TLE2: variants seen among roughly 807,000 people sequenced by gnomAD.
TLE2 encodes the protein transducin-like enhancer protein 2.
A neutral mutation model predicts 97.2 loss-of-function variants in TLE2; 74 were observed. The ratio of observed to expected loss-of-function variants is 0.76; its 90% CI spans 0.63 to 0.92. TLE2 has a LOEUF of 0.92. Among genes scored for constraint, TLE2 ranks in the 40% least tolerant of loss-of-function variants. The probability of loss-of-function intolerance (pLI) is 0.00; values close to 1 mark genes in which losing one functional copy is unlikely to be tolerated. For synonymous variants in TLE2, 499 were observed against 432.1 expected (o/e 1.15, Z -1.92); for missense variants, 1,038 against 1,008.7 (o/e 1.03, Z -0.39).
chr19:3,019,085 A>G lies in TLE2; in HGVS notation c.550+198T>C, dbSNP rs905851153. On this transcript the variant is annotated intron_variant, in intron 7 of 19. Transcript: ENST00000262953. The surrounding 1 kb of genome is among the most constrained non-coding windows in gnomAD (Gnocchi z 5.1). ...AGCAAATTTTTAAATTTTTGTAGAGACGGGGTCTCGCTCTGTTGCCCAGGC... is the reference window on the plus strand; with the variant it reads ...AGCAAATTTTTAAATTTTTGTAGAGGCGGGGTCTCGCTCTGTTGCCCAGGC... Among the ~76,000 whole-genome samples, 1 of 151,842 alleles carries G rather than the reference A, an allele frequency of 6.6e-6. No homozygotes were observed.
In TLE2 at chr19:3,004,509, C is replaced by T. The variant is rs150619864; in HGVS notation, c.1896+928G>A. Among the ~76,000 whole-genome samples the T allele has an allele frequency of 1.8e-4, 27 of 150,710 alleles. No homozygotes were observed. In the East Asian group the frequency reaches 4.7e-3, roughly 26 times the overall value. ...CAAAAATTAGCCGAGCATGGTGGTG[C>T]GTTCCTGTAGTCCCAGCTACTCAGG... On this transcript the variant is annotated intron_variant, in intron 17 of 19. Transcript: ENST00000262953.
Position 3,006,410 on chromosome 19 carries a change from C to A in TLE2, c.1500+10G>T, listed in dbSNP as rs760761358. On this transcript the variant is annotated intron_variant, in intron 15 of 19. Coordinates refer to ENST00000262953, the MANE Select transcript of TLE2 (RefSeq NM_003260.5). Reference sequence around the variant, plus strand: ...TGTGAGTCCCGCCCACTGTCCCACCCCGCCCTCACCAGGCAGTCGAGCTGG... The same window carrying A: ...TGTGAGTCCCGCCCACTGTCCCACCACGCCCTCACCAGGCAGTCGAGCTGG... 3 of 1,608,724 alleles carry A rather than the reference C, an allele frequency of 1.9e-6. No homozygotes were observed. Among genetic ancestry groups the A allele is most frequent in the South Asian group, 1.1e-5 (1 of 90,656 alleles).
At chr19:3,009,468 T>A in intron 13 of TLE2, 74 bp downstream of exon 13, 2 of 1,471,410 alleles carry the variant, frequency 1.4e-6, no homozygotes, top group Non-Finnish European at 1.8e-6. Flanking sequence ...TCTCCTTGTG[T>A]AGTTGGTTTC....
At chr19:3,008,971 G>A in intron 13 of TLE2, 26 bp from the exon 14 acceptor site, 1 of 1,539,554 alleles carries the variant, frequency 6.5e-7, no homozygotes, top group Non-Finnish European at 8.8e-7. Context: ...GGGGGTGTCA[G>A]TGAGGCAGGT....
intron 1 of TLE2, among the ~76,000 whole-genome samples, chr19:3,041,013 ATTTT>A (rs1168699418): frequency 1.3e-3 from 39 of 28,906 alleles, no homozygotes; most frequent in East Asian, 5.1e-3. Context: ...ATATATATAT[ATTTT>A]TTTTTTTTTT....
Position 2,997,843 on chromosome 19 carries a change from A to G in TLE2, c.*5T>C, listed in dbSNP as rs1316431750. ...GACTTCGGGTACAGGAAGGGGGGTC[A>G]TGTCTCAGTAGACCACCTCATACAC... On this transcript the variant is annotated 3_prime_UTR_variant, in exon 20 of 20. Coordinates refer to ENST00000262953, the MANE Select transcript of TLE2 (RefSeq NM_003260.5). The G allele has an allele frequency of 1.3e-6, 2 of 1,597,410 alleles. No homozygotes were observed. Among genetic ancestry groups the G allele is most frequent in the Admixed American group, 1.7e-5 (1 of 58,268 alleles).
chr19:2,999,904 A>G (rs1205046528), intron 19 of TLE2, among the ~76,000 whole-genome samples: 3 of 137,942 alleles, frequency 2.2e-5, no homozygotes, highest in Non-Finnish European at 4.7e-5. Flanking sequence ...GTGGTGGTAC[A>G]TGCCTGTAAT....
At chr19:3,031,964 G>A (rs146181850), upstream of TLE2, among the ~76,000 whole-genome samples, 2 of 151,870 alleles carry the variant, frequency 1.3e-5, no homozygotes, top group Non-Finnish European at 2.9e-5. Flanking sequence ...GTCTTGCTCT[G>A]CTGCCCAGGC....
At position 3,029,111 on chromosome 19, in the gene TLE2, G is replaced by C. The variant is rs1219203057; in HGVS notation, c.-207C>G. 4.2e-6 allele frequency: 5 copies of C among 1,178,852 alleles called. No homozygotes were observed. Among genetic ancestry groups the C allele is most frequent in the Non-Finnish European group, 5.2e-6 (5 of 953,168 alleles). 73.0% of individuals were successfully genotyped at this position (1,178,852 alleles called of 1,614,324 possible). ...GTCGTGGGAGCCCCTCCCCGGGTTG[G>C]GGTGCGCGGGGCGAGCGGGGCGGGC... On this transcript the variant is annotated 5_prime_UTR_variant, in exon 1 of 20. Coordinates refer to ENST00000262953, the MANE Select transcript of TLE2 (RefSeq NM_003260.5).
Position 2,999,238 on chromosome 19 carries a change from C to T in TLE2, c.2125-1283G>A, listed in dbSNP as rs1025994206. 1.1e-4 allele frequency among the ~76,000 whole-genome samples: 17 copies of T among 151,960 alleles called. No homozygotes were observed. The East Asian group carries it at 2.1e-3, about 19-fold the overall frequency. On this transcript the variant is annotated intron_variant, in intron 19 of 19. Coordinates refer to ENST00000262953, the MANE Select transcript of TLE2 (RefSeq NM_003260.5). Reference sequence around the variant, plus strand: ...TGGAGGCTGCAGTGAGCTGAGATTGCGCCACTGCACTCCAGGCTGGGCGAC... The same window carrying T: ...TGGAGGCTGCAGTGAGCTGAGATTGTGCCACTGCACTCCAGGCTGGGCGAC...
At position 3,013,680 on chromosome 19, in the gene TLE2, C is replaced by T. The variant is rs201296186; in HGVS notation, c.862G>A (p.Glu288Lys). ...SLGSPLPRAKELILNDLPAST... is the reference protein window; with the variant it reads ...SLGSPLPRAKKLILNDLPAST... Reference sequence around the variant, plus strand: ...CCCCTCCTCCTTACCAGGATGAGCTCCTTGGCTCTAGGCAGCGGTGAGCCA... The same window carrying T: ...CCCCTCCTCCTTACCAGGATGAGCTTCTTGGCTCTAGGCAGCGGTGAGCCA... Residue 288 changes from glutamate to lysine, a missense_variant, in exon 11 of 20, where the codon GAG (glutamate) becomes AAG (lysine). Transcript: ENST00000262953. The T allele has an allele frequency of 4.4e-4, 617 of 1,413,838 alleles. No individual in the cohort carries two copies. Among genetic ancestry groups the T allele is most frequent in the Non-Finnish European group, 5.5e-4 (591 of 1,076,988 alleles). The allele number at this position is 1,413,838 out of a possible 1,614,324, so 87.6% of individuals were successfully genotyped here. A position where few individuals can be genotyped will look rare whatever the true frequency, so the allele number is the denominator to read the frequency against.
intron 19 of TLE2, among the ~76,000 whole-genome samples, chr19:2,998,275 G>GTGTGTGTGTGTGTGTGTGTGTGTGTA (rs796339147): frequency 1.0e-4 from 11 of 110,260 alleles, no homozygotes; most frequent in African/African-American, 3.1e-4. Context: ...GTGTGTGTGT[G>GTGTGTGTGTGTGTGTGTGTGTGTGTA]TAATTTTTTT....
At chr19:3,002,948 C>T (rs1456047370) in intron 17 of TLE2, among the ~76,000 whole-genome samples, 1 of 152,150 alleles carries the variant, frequency 6.6e-6, no homozygotes, top group Non-Finnish European at 1.5e-5. Context: ...ATCTGCCCGC[C>T]TCGGCCTCCC....
At chr19:3,024,427 C>T (rs1447973663) in intron 5 of TLE2, among the ~76,000 whole-genome samples, 1 of 152,102 alleles carries the variant, frequency 6.6e-6, no homozygotes, top group Non-Finnish European at 1.5e-5. Flanking sequence ...AACTGAATTT[C>T]TGTCCCCATA....
chr19:3,003,617 G>A (rs2089413675), intron 17 of TLE2, among the ~76,000 whole-genome samples: 1 of 129,668 alleles, frequency 7.7e-6, no homozygotes, highest in Admixed American at 9.7e-5. Flanking sequence ...CAGCCTGGGT[G>A]ACAGAGCAAG....
chr19:3,040,991 T>TTATATATATATGTATATA (rs2090095914), intron 1 of TLE2, among the ~76,000 whole-genome samples: 2 of 29,732 alleles, frequency 6.7e-5, no homozygotes, highest in African/African-American at 1.6e-4. Flanking sequence ...CTGCTGCCAT[T>TTATATATATATGTATATA]TATATATATA....
upstream of TLE2, chr19:3,029,528 A>G (rs1599248696): frequency 1.0e-6 from 1 of 968,234 alleles, no homozygotes; most frequent in East Asian, 1.2e-4. Flanking sequence ...ACCAGTGAAG[A>G]AATTCACACC....
chr19:3,013,310 G>A (rs1454182409), intron 11 of TLE2, among the ~76,000 whole-genome samples: 1 of 151,996 alleles, frequency 6.6e-6, no homozygotes, highest in African/African-American at 2.4e-5. Context: ...AGCGCCTCTG[G>A]AAGGGCTCAA....
intron 4 of TLE2, among the ~76,000 whole-genome samples, chr19:3,026,961 T>C (rs192514191): frequency 3.6e-5 from 5 of 140,698 alleles, no homozygotes; most frequent in Admixed American, 2.4e-4. Context: ...TGAGGTCAAT[T>C]TCAGAAATTT....
Sources: allele counts gnomAD v4.1 joint callset (sites outside exome capture counted in the v4.1 genomes callset), GRCh38; gene constraint gnomAD v4.1.1; non-coding constraint Gnocchi (gnomAD v3.1); transcripts MANE v1.5; gene names NCBI Gene and HGNC (gene_info 2026-07-23, HGNC 2026-07-21).